Variants in PCDHA12 observed in about 807,000 individuals in gnomAD.
PCDHA12 encodes protocadherin alpha 12.
A neutral mutation model predicts 60.0 loss-of-function variants in PCDHA12; 44 were observed. The observed-to-expected ratio is 0.73, with a 90% confidence interval of 0.58 to 0.94. The LOEUF (loss-of-function observed/expected upper bound fraction) is 0.94, where lower values mean the gene tolerates loss of function less well. Ranked by LOEUF, PCDHA12 falls within the 40% of genes least tolerant of loss-of-function variation. The pLI, the probability that PCDHA12 is intolerant of heterozygous loss-of-function variation, is 0.00. For missense variants in PCDHA12, 1,276 were observed against 1,239.7 expected (o/e 1.03, Z -0.44); for synonymous variants, 569 against 553.0 (o/e 1.03, Z -0.40).
chr5:140,988,936 T>C (rs2097321406), intron 3 of PCDHA12: 1 of 152,158 alleles, frequency 6.6e-6, no homozygotes, highest in Non-Finnish European at 1.5e-5. Flanking sequence ...ACTGTTCTCT[T>C]AGGCTGCAGT....
Position 140,883,457 on chromosome 5 carries a change from C to T in PCDHA12, c.2367+5618C>T, listed in dbSNP as rs142331981. Reference sequence around the variant, plus strand: ...CTTGACGCCGCATGTCCCCTTCAAGCTGGTGTCCACCTACAAGAACTACTA... The same window carrying T: ...CTTGACGCCGCATGTCCCCTTCAAGTTGGTGTCCACCTACAAGAACTACTA... On this transcript the variant is annotated intron_variant, in intron 1 of 3. Coordinates refer to ENST00000398631, the MANE Select transcript of PCDHA12 (RefSeq NM_018903.4). 3.6e-4 allele frequency: 576 copies of T among 1,614,196 alleles called. 4 individuals are homozygous for T. In the African/African-American group the frequency reaches 6.4e-3, roughly 18 times the overall value.
intron 1 of PCDHA12, chr5:140,884,432 C>G: frequency 6.2e-7 from 1 of 1,613,880 alleles, no homozygotes; most frequent in Non-Finnish European, 8.5e-7. Context: ...TACTGCGCTG[C>G]GGTGCTCGGC....
chr5:141,009,514 A>T (rs2098410382), intron 3 of PCDHA12, 113 bp from the exon 4 acceptor site: 5 of 1,501,204 alleles, frequency 3.3e-6, no homozygotes, highest in African/African-American at 1.4e-5. Context: ...ACAACTCGTG[A>T]TTTTTCTGGG....
At chr5:140,970,775 C>T (rs2096433002) in intron 1 of PCDHA12, among the ~76,000 whole-genome samples, 1 of 152,160 alleles carries the variant, frequency 6.6e-6, no homozygotes, top group Non-Finnish European at 1.5e-5. Context: ...GCTGTACATA[C>T]ATATTGTATG....
At position 141,011,045 on chromosome 5, in the gene PCDHA12, G is replaced by A. The variant is rs949707438; in HGVS notation, c.*1108G>A. 2 of 153,712 alleles carry A rather than the reference G, an allele frequency of 1.3e-5. No individual in the cohort carries two copies. Among genetic ancestry groups the A allele is most frequent in the African/African-American group, 4.8e-5 (2 of 41,422 alleles). The allele number at this position is 153,712 out of a possible 1,614,324, so 9.5% of individuals were successfully genotyped here. ...CAGCTTTACTCTTTCAGGTCACTCT[G>A]GGGCTGCCTCTTGCATGTATTACTA... On this transcript the variant is annotated 3_prime_UTR_variant, in exon 4 of 4. Coordinates refer to ENST00000398631, the MANE Select transcript of PCDHA12 (RefSeq NM_018903.4).
chr5:140,965,814 T>C (rs1423732818), intron 1 of PCDHA12, among the ~76,000 whole-genome samples: 1 of 152,224 alleles, frequency 6.6e-6, no homozygotes, highest in Non-Finnish European at 1.5e-5. Flanking sequence ...AAACAGAGCA[T>C]TTTAAACATT....
intron 1 of PCDHA12, among the ~76,000 whole-genome samples, chr5:140,887,041 A>G (rs1166286264): frequency 6.6e-6 from 1 of 152,026 alleles, no homozygotes; most frequent in African/African-American, 2.4e-5. Flanking sequence ...AATATTTTTT[A>G]TAGTGCATAT....
intron 1 of PCDHA12, chr5:140,926,320 C>G (rs555057115): frequency 2.5e-3 from 377 of 152,358 alleles, no homozygotes; most frequent in Non-Finnish European, 3.8e-3. Flanking sequence ...AGAGGTGCGC[C>G]GGGGTCAGAG....
intron 1 of PCDHA12, among the ~76,000 whole-genome samples, chr5:140,976,876 G>A (rs1166300025): frequency 6.6e-6 from 1 of 152,160 alleles, no homozygotes; most frequent in Non-Finnish European, 1.5e-5. Flanking sequence ...GACAAAGAAA[G>A]AATTAGGATA....
At chr5:140,923,043 T>C (rs1274355780) in intron 1 of PCDHA12, among the ~76,000 whole-genome samples, 2 of 152,228 alleles carry the variant, frequency 1.3e-5, no homozygotes, top group Non-Finnish European at 1.5e-5. Context: ...ACATGTATAG[T>C]ATTTAGAATA....
chr5:140,961,515 C>T (rs2095619049), intron 1 of PCDHA12, among the ~76,000 whole-genome samples: 1 of 152,092 alleles, frequency 6.6e-6, no homozygotes, highest in Admixed American at 6.5e-5. Flanking sequence ...TTTAATGTCT[C>T]CACAAATTCT....
intron 1 of PCDHA12, among the ~76,000 whole-genome samples, chr5:140,922,177 A>C (rs1194396252): frequency 2.9e-5 from 2 of 69,034 alleles, no homozygotes; most frequent in African/African-American, 9.2e-5. Context: ...TACAGCAGAC[A>C]AAAAAAAAGT....
In PCDHA12 at chr5:140,937,572, G is replaced by C. The variant is rs113857647; in HGVS notation, c.2368-41377G>C. On this transcript the variant is annotated intron_variant, in intron 1 of 3. Transcript: ENST00000398631. ...GCAGAGGTTGCAGTGAGCTGGGATC[G>C]CGTCACTGCACTCTAGCCTGGGCAA... Among the ~76,000 whole-genome samples, 273 of 151,500 alleles carry C rather than the reference G, an allele frequency of 1.8e-3. 1 individual carries two copies. Among genetic ancestry groups the C allele is most frequent in the African/African-American group, 6.4e-3 (263 of 41,048 alleles).
intron 2 of PCDHA12, among the ~76,000 whole-genome samples, chr5:140,979,246 C>A (rs944063929): frequency 2.0e-5 from 3 of 152,206 alleles, no homozygotes; most frequent in African/African-American, 7.2e-5. Context: ...AAACAGGCTG[C>A]TATGTATTTT....
At chr5:140,955,929 C>T (rs567378851) in intron 1 of PCDHA12, among the ~76,000 whole-genome samples, 1 of 152,252 alleles carries the variant, frequency 6.6e-6, no homozygotes, top group East Asian at 1.9e-4. Flanking sequence ...GGAGTTCATT[C>T]ATAATATGGC....
intron 3 of PCDHA12, among the ~76,000 whole-genome samples, chr5:141,005,519 C>T (rs1374058521): frequency 1.3e-5 from 2 of 151,140 alleles, no homozygotes; most frequent in Middle Eastern, 3.2e-3. Context: ...CTGGCTAACA[C>T]GGTGAAACCC....
chr5:140,929,207 G>T (rs782298445), intron 1 of PCDHA12: 2 of 1,614,106 alleles, frequency 1.2e-6, no homozygotes, highest in Non-Finnish European at 1.7e-6. Flanking sequence ...TTGCTGTTGC[G>T]TGGGGAGTAC....
intron 1 of PCDHA12, among the ~76,000 whole-genome samples, chr5:140,914,947 T>TC (rs1232423561): frequency 7.0e-6 from 1 of 142,282 alleles, no homozygotes; most frequent in Non-Finnish European, 1.5e-5. Context: ...AAGTTGTCTT[T>TC]TTTTTTTTTT....
At chr5:140,966,983 G>T (rs782294035) in intron 1 of PCDHA12, 1 of 1,603,778 alleles carries the variant, frequency 6.2e-7, no homozygotes, top group Non-Finnish European at 8.5e-7. Flanking sequence ...GCGGCGCTTG[G>T]GGCCGGGTTG....
Sources: gnomAD v4.1 joint callset for allele counts (sites outside exome capture counted in the v4.1 genomes callset) on GRCh38, gnomAD v4.1.1 for gene constraint, MANE v1.5 for transcripts, NCBI Gene and HGNC (gene_info 2026-07-23, HGNC 2026-07-21) for gene names.